MXRA7: variants seen among roughly 807,000 people sequenced by gnomAD.
The protein encoded by MXRA7 is matrix remodeling associated 7, also known as matrix-remodeling-associated protein 7.
A neutral mutation model predicts 17.4 loss-of-function variants in MXRA7; 18 were observed. The observed-to-expected ratio is 1.03, with a 90% CI of 0.71 to 1.53. The LOEUF (loss-of-function observed/expected upper bound fraction) is 1.53. MXRA7 is among the 40% of genes most tolerant of loss of function. The pLI is 0.00. For synonymous variants in MXRA7, 70 were observed against 101.7 expected, an observed-to-expected ratio of 0.69 and a Z score of 1.87; for missense variants, 141 against 209.3, an observed-to-expected ratio of 0.67 and a Z score of 2.01.
chr17:76,687,706 G>A (rs989941942), intron 2 of MXRA7, among the ~76,000 whole-genome samples: 3 of 152,238 alleles, frequency 2.0e-5, no homozygotes, highest in African/African-American at 7.2e-5. Context: ...CCCTCCTGGG[G>A]CCTTCGTTCT....
chr17:76,688,068 C>T (rs201888966), intron 2 of MXRA7, 45 bp downstream of exon 2: 6 of 1,602,224 alleles, frequency 3.7e-6, no homozygotes, highest in East Asian at 2.2e-5. Flanking sequence ...ACAGACCACC[C>T]CCGACACTGT....
At chr17:76,697,296 C>T (rs981041038) in intron 1 of MXRA7, among the ~76,000 whole-genome samples, 4 of 152,146 alleles carry the variant, frequency 2.6e-5, no homozygotes, top group African/African-American at 4.8e-5. Context: ...TGCAAGCCAG[C>T]GAGACAGGGC....
chr17:76,702,539 C>A lies in MXRA7; in HGVS notation c.342+8066G>T, dbSNP rs1300821904. Among the ~76,000 whole-genome samples, 4 of 151,562 alleles carry A rather than the reference C, an allele frequency of 2.6e-5. No homozygotes were observed. The East Asian group carries it at 5.8e-4, about 22-fold the overall frequency. On this transcript the variant is annotated intron_variant, in intron 1 of 3. Transcript: ENST00000449428. ...TAAAAGAAGAAGAAGAAGAAGAAGACAAGTGGTCAGTTTTTAAAATCTCTT... is the reference window on the plus strand; with the variant it reads ...TAAAAGAAGAAGAAGAAGAAGAAGAAAAGTGGTCAGTTTTTAAAATCTCTT...
At chr17:76,703,959 C>T (rs1464285594) in intron 1 of MXRA7, among the ~76,000 whole-genome samples, 2 of 150,886 alleles carry the variant, frequency 1.3e-5, no homozygotes, top group Non-Finnish European at 2.9e-5. Flanking sequence ...CATAGCCGGG[C>T]GTGGTGGTGG....
At chr17:76,686,337 G>A (rs916164424) in intron 2 of MXRA7, among the ~76,000 whole-genome samples, 11 of 152,044 alleles carry the variant, frequency 7.2e-5, no homozygotes, top group Non-Finnish European at 1.6e-4. Flanking sequence ...AAAATTAGCC[G>A]GGCGTGGTGG....
intron 3 of MXRA7, 125 bp downstream of exon 3, chr17:76,684,947 G>A: frequency 3.9e-6 from 3 of 768,148 alleles, no homozygotes; most frequent in Non-Finnish European, 6.6e-6. Context: ...TGGTTGGGCA[G>A]AGCGTGTAGG....
exon 4 of MXRA7, chr17:76,672,952 A>C (rs1038003365): frequency 6.6e-6 from 1 of 152,098 alleles, no homozygotes; most frequent in Non-Finnish European, 1.5e-5. Context: ...CTGTTCTGGA[A>C]CCCAGCACTA....
chr17:76,695,353 G>GGTGTGTGT (rs71158054), intron 1 of MXRA7, among the ~76,000 whole-genome samples: 15,822 of 147,834 alleles, frequency 0.11, 942 homozygotes, highest in African/African-American at 0.14. Flanking sequence ...TTTAGCTTCA[G>GGTGTGTGT]GTGTGTGTGT....
intron 3 of MXRA7, chr17:76,683,698 G>A (rs369884013): frequency 4.9e-5 from 31 of 626,450 alleles, no homozygotes; most frequent in East Asian, 3.0e-4. Context: ...TCGTGCTTGA[G>A]AAGAATGAGA....
chr17:76,703,274 C>T (rs549555212), intron 1 of MXRA7, among the ~76,000 whole-genome samples: 45 of 152,052 alleles, frequency 3.0e-4, no homozygotes, highest in Non-Finnish European at 3.1e-4. Context: ...TATAAATGTG[C>T]GCAAGGAGTT....
At chr17:76,706,212 A>ACAAAGGCCCACGCTGCTG (rs1567990768) in intron 1 of MXRA7, among the ~76,000 whole-genome samples, 1 of 43,940 alleles carries the variant, frequency 2.3e-5, no homozygotes, top group African/African-American at 5.7e-5. Context: ...CCACGCTGCC[A>ACAAAGGCCCACGCTGCTG]TCACAAAGGC....
chr17:76,696,508 A>T (rs1460138541), intron 1 of MXRA7, among the ~76,000 whole-genome samples: 1 of 152,054 alleles, frequency 6.6e-6, no homozygotes, highest in Non-Finnish European at 1.5e-5. Context: ...TGACAGTGGG[A>T]GACCCTGCCT....
chr17:76,690,941 A>G (rs2076473547), intron 1 of MXRA7, among the ~76,000 whole-genome samples: 1 of 152,096 alleles, frequency 6.6e-6, no homozygotes, highest in Non-Finnish European at 1.5e-5. Context: ...GTTTTGTTCT[A>G]ACATTTGGTT....
intron 1 of MXRA7, among the ~76,000 whole-genome samples, chr17:76,707,966 G>A (rs1403941233): frequency 6.6e-6 from 1 of 152,242 alleles, no homozygotes; most frequent in Non-Finnish European, 1.5e-5. Context: ...AGAGGTTCTA[G>A]CAGTATCATT....
At chr17:76,694,069 C>T (rs943384896) in intron 1 of MXRA7, among the ~76,000 whole-genome samples, 5 of 152,220 alleles carry the variant, frequency 3.3e-5, no homozygotes, top group African/African-American at 1.2e-4. Context: ...GTCAAACCCT[C>T]CCCCTTCCAT....
chr17:76,684,967 T>C, intron 3 of MXRA7, 105 bp downstream of exon 3: 1 of 912,182 alleles, frequency 1.1e-6, no homozygotes, highest in South Asian at 1.4e-5. Context: ...GAGCCCCACC[T>C]CCTTTCTGGG....
At chr17:76,693,649 C>T (rs888391366) in intron 1 of MXRA7, among the ~76,000 whole-genome samples, 1 of 152,086 alleles carries the variant, frequency 6.6e-6, no homozygotes. Flanking sequence ...AGTTTGAGAC[C>T]GCCCTGGGCA....
At chr17:76,709,283 A>C (rs2076693809) in intron 1 of MXRA7, among the ~76,000 whole-genome samples, 2 of 152,234 alleles carry the variant, frequency 1.3e-5, no homozygotes, top group South Asian at 4.1e-4. Context: ...GGAATCCCAA[A>C]TATGGGAGCA....
chr17:76,699,510 T>C (rs948594458), intron 1 of MXRA7, among the ~76,000 whole-genome samples: 1 of 152,204 alleles, frequency 6.6e-6, no homozygotes, highest in African/African-American at 2.4e-5. Flanking sequence ...TCAAAACCCA[T>C]GCCACCTGCC....
Sources: gnomAD v4.1 joint callset for allele counts (sites outside exome capture counted in the v4.1 genomes callset) on GRCh38, gnomAD v4.1.1 for gene constraint, MANE v1.5 for transcripts, NCBI Gene and HGNC (gene_info 2026-07-23, HGNC 2026-07-21) for gene names.